Variants in PTGER3 observed in about 807,000 individuals in gnomAD.
PTGER3 encodes the protein prostaglandin E2 receptor EP3 subtype.
Under a neutral mutation model 34.7 loss-of-function variants are expected in PTGER3, and 22 were observed. The ratio of observed to expected loss-of-function variants is 0.63; its 90% CI spans 0.45 to 0.91. The LOEUF is 0.91. PTGER3 is among the 40% of genes least tolerant of loss of function. PTGER3 has a pLI of 0.00. For missense variants in PTGER3, 468 were observed against 519.4 expected (o/e 0.90, Z 0.96); for synonymous variants, 241 against 230.1 (o/e 1.05, Z -0.43).
chr1:70,940,022 T>C (rs1649611534), intron 4 of PTGER3, among the ~76,000 whole-genome samples: 1 of 152,212 alleles, frequency 6.6e-6, no homozygotes, highest in Non-Finnish European at 1.5e-5. Context: ...CTGCTTCTCT[T>C]ATATAACTGA....
At chr1:70,938,528 C>T (rs1649454883) in intron 4 of PTGER3, among the ~76,000 whole-genome samples, 1 of 151,980 alleles carries the variant, frequency 6.6e-6, no homozygotes, top group African/African-American at 2.4e-5. Context: ...AACATCTGGT[C>T]TATTAGTCTG....
chr1:71,002,339 C>T (rs985617693), intron 2 of PTGER3: 1 of 152,124 alleles, frequency 6.6e-6, no homozygotes, highest in African/African-American at 2.4e-5. Context: ...CAAGTTGATT[C>T]AGAGACATTT....
chr1:70,996,705 G>C (rs1039544033), intron 2 of PTGER3, among the ~76,000 whole-genome samples: 84 of 123,788 alleles, frequency 6.8e-4, no homozygotes, highest in South Asian at 1.3e-3. Context: ...GCTCTGTCGC[G>C]CAGGCTGGAG....
At chr1:70,981,388 TTTCTTTCCTTCCTTCC>T (rs1403920806) in intron 2 of PTGER3, among the ~76,000 whole-genome samples, 2,130 of 39,340 alleles carry the variant, frequency 0.054, 29 homozygotes, top group East Asian at 0.14. Context: ...TCTTTCTTTC[TTTCTTTCCTTCCTTCC>T]TTCCTTCCTT....
chr1:70,870,786 T>G (rs1646146454), intron 4 of PTGER3, among the ~76,000 whole-genome samples: 1 of 152,214 alleles, frequency 6.6e-6, no homozygotes, highest in Non-Finnish European at 1.5e-5. Context: ...TGACCTTTGC[T>G]CCAGGTCCCA....
chr1:70,938,684 A>G (rs924530495), intron 4 of PTGER3, among the ~76,000 whole-genome samples: 1 of 152,086 alleles, frequency 6.6e-6, no homozygotes, highest in Non-Finnish European at 1.5e-5. Context: ...GAGAAAAATG[A>G]GGAAGAAACA....
At chr1:70,935,564 T>C (rs972356334) in intron 4 of PTGER3, among the ~76,000 whole-genome samples, 1 of 151,768 alleles carries the variant, frequency 6.6e-6, no homozygotes, top group Non-Finnish European at 1.5e-5. Context: ...TTTGGTTTGC[T>C]TTTATTGTTT....
At chr1:71,006,780 AT>A (rs1657007511) in intron 2 of PTGER3, 1 of 985,280 alleles carries the variant, frequency 1.0e-6, no homozygotes, top group African/African-American at 1.7e-5. Flanking sequence ...ATCAAATGGG[AT>A]TTCAGCAAAA....
chr1:70,975,190 A>G (rs979741752), intron 2 of PTGER3, among the ~76,000 whole-genome samples: 2 of 152,130 alleles, frequency 1.3e-5, no homozygotes, highest in African/African-American at 4.8e-5. Flanking sequence ...GGTTTTGCTT[A>G]CCACTGAGTC....
At chr1:70,925,453 A>G (rs1647970587) in intron 4 of PTGER3, among the ~76,000 whole-genome samples, 1 of 152,226 alleles carries the variant, frequency 6.6e-6, no homozygotes, top group Non-Finnish European at 1.5e-5. Context: ...TACAAGTGTA[A>G]CAAGATGATA....
chr1:70,883,525 T>G (rs1330062585), intron 4 of PTGER3, among the ~76,000 whole-genome samples: 1 of 152,228 alleles, frequency 6.6e-6, no homozygotes, highest in African/African-American at 2.4e-5. Flanking sequence ...ATAGGTATGA[T>G]GAACCTGAAG....
Position 71,006,943 on chromosome 1 carries a change from T to C in PTGER3, c.1077+5362A>G, listed in dbSNP as rs541920079. ...TTAAATACACAGACTAGCCATGACT[T>C]GAATGCCAGCAAAAGTCTAACGTAC... On this transcript the variant is annotated intron_variant, in intron 2 of 3. Transcript: ENST00000306666. 1,660 of 985,518 alleles carry C rather than the reference T, an allele frequency of 1.7e-3. 1 individual carries two copies. The highest frequency in any genetic ancestry group is 2.6e-3 in the South Asian group (55 of 21,286). 61.0% of individuals were successfully genotyped at this position (985,518 alleles called of 1,614,324 possible).
chr1:70,996,737 C>T (rs536410144), intron 2 of PTGER3, among the ~76,000 whole-genome samples: 61 of 151,674 alleles, frequency 4.0e-4, no homozygotes, highest in African/African-American at 1.4e-3. Context: ...GATCTCGGCT[C>T]ACTGCAAGCT....
At chr1:71,027,601 T>C (rs184429028) in intron 1 of PTGER3, among the ~76,000 whole-genome samples, 3 of 152,328 alleles carry the variant, frequency 2.0e-5, no homozygotes, top group South Asian at 4.1e-4. Flanking sequence ...AAGAGATGTA[T>C]TGACATAGTC....
At chr1:71,040,222 A>G (rs113174898) in intron 1 of PTGER3, among the ~76,000 whole-genome samples, 1,817 of 152,228 alleles carry the variant, frequency 0.012, 33 homozygotes, top group African/African-American at 0.04. Context: ...AAGGGTTCAT[A>G]AAGTTATCAA....
intron 2 of PTGER3, chr1:71,011,817 T>A (rs1657473233): frequency 1.0e-6 from 1 of 996,820 alleles, no homozygotes; most frequent in African/African-American, 1.7e-5. Flanking sequence ...AACACAGCAA[T>A]GTCTTTGAAT....
intron 2 of PTGER3, among the ~76,000 whole-genome samples, chr1:71,000,296 C>T (rs1411101998): frequency 6.6e-6 from 1 of 152,174 alleles, no homozygotes; most frequent in Non-Finnish European, 1.5e-5. Context: ...CCACAAACCC[C>T]AGTTTCCTTA....
At chr1:70,930,018 A>T (rs925783966) in intron 4 of PTGER3, among the ~76,000 whole-genome samples, 1 of 152,192 alleles carries the variant, frequency 6.6e-6, no homozygotes, top group African/African-American at 2.4e-5. Flanking sequence ...TTACATTTAT[A>T]TCAAAAGATG....
intron 2 of PTGER3, among the ~76,000 whole-genome samples, chr1:70,999,824 C>G (rs1656314538): frequency 6.6e-6 from 1 of 152,200 alleles, no homozygotes; most frequent in Non-Finnish European, 1.5e-5. Flanking sequence ...AAACCACAGG[C>G]CTGTGTGGAA....
Sources: allele counts gnomAD v4.1 joint callset (sites outside exome capture counted in the v4.1 genomes callset), GRCh38; gene constraint gnomAD v4.1.1; transcripts MANE v1.5; gene names NCBI Gene and HGNC (gene_info 2026-07-23, HGNC 2026-07-21).